The following GKAP1 variants were observed in gnomAD, a reference collection of about 807,000 sequenced individuals.
GKAP1 encodes the protein G kinase-anchoring protein 1.
In GKAP1, 31 loss-of-function variants were observed where a neutral mutation model predicts 56.7. That is an observed-to-expected ratio of 0.55 (90% CI 0.41 to 0.74). The LOEUF (loss-of-function observed/expected upper bound fraction) is 0.74, where lower values mean the gene tolerates loss of function less well. GKAP1 is among the 30% of genes least tolerant of loss of function. The pLI is 0.00. For synonymous variants in GKAP1, 151 were observed against 138.6 expected, an observed-to-expected ratio of 1.09 and a Z score of -0.63; for missense variants, 364 against 402.3, an observed-to-expected ratio of 0.90 and a Z score of 0.82.
rs180822290 is a variant in GKAP1, at chr9:83,781,546, A to G, written c.563-1142T>C. ...CTCTAAAGAATTTCTTGATCAGAAT[A>G]GTGTCCATAAACACAGTAAATGCCA... On this transcript the variant is annotated intron_variant, in intron 6 of 12. Transcript: ENST00000376371. Among the ~76,000 whole-genome samples, 389 of 152,338 alleles carry G rather than the reference A, an allele frequency of 2.6e-3. 4 individuals carry two copies. Among genetic ancestry groups the G allele is most frequent in the African/African-American group, 9.0e-3 (373 of 41,584 alleles).
chr9:83,774,322 T>C (rs1412866484), intron 7 of GKAP1, among the ~76,000 whole-genome samples: 2 of 150,828 alleles, frequency 1.3e-5, no homozygotes, highest in Non-Finnish European at 1.5e-5. Flanking sequence ...CAATTGCAGG[T>C]CAGGCACGGT....
At chr9:83,810,101 C>T (rs919044288) in intron 2 of GKAP1, among the ~76,000 whole-genome samples, 26 of 152,200 alleles carry the variant, frequency 1.7e-4, no homozygotes, top group Admixed American at 5.2e-4. Context: ...CATGAGCCAC[C>T]GCAACTGCCC....
At chr9:83,778,086 T>C (rs1943892703) in intron 7 of GKAP1, among the ~76,000 whole-genome samples, 1 of 152,152 alleles carries the variant, frequency 6.6e-6, no homozygotes, top group South Asian at 2.1e-4. Context: ...GAAATGCTTA[T>C]CCACTGTTGG....
chr9:83,758,085 G>A (rs1011052193), intron 8 of GKAP1, among the ~76,000 whole-genome samples: 6 of 152,306 alleles, frequency 3.9e-5, no homozygotes, highest in South Asian at 4.1e-4. Flanking sequence ...CCTACCTAGC[G>A]TTGGTGCAGT....
Position 83,768,844 on chromosome 9 carries a change from T to C in GKAP1, c.712A>G (p.Asn238Asp). 2 of 1,612,572 alleles carry C rather than the reference T, an allele frequency of 1.2e-6. No individual in the cohort carries two copies. Among genetic ancestry groups the C allele is most frequent in the Non-Finnish European group, 1.7e-6 (2 of 1,179,552 alleles). The change falls in exon 8 of 13, where the codon AAT (asparagine) becomes GAT (aspartate). Residue 238 changes from asparagine (N) to aspartate (D), a missense_variant. By Grantham distance (23) the Asn-to-Asp change is conservative. Transcript: ENST00000376371. ...TGGTTGTGTTCATGAGCTGTACAATTATCTGTTCCATTATATTCTGTAAGC... is the reference window on the plus strand; with the variant it reads ...TGGTTGTGTTCATGAGCTGTACAATCATCTGTTCCATTATATTCTGTAAGC... ...EQLTEYNGTD[N>D]CTAHEHNQEV... is the part of the protein sequence containing the mutation.
At chr9:83,801,422 G>C (rs1944329998) in intron 3 of GKAP1, among the ~76,000 whole-genome samples, 1 of 150,866 alleles carries the variant, frequency 6.6e-6, no homozygotes, top group Non-Finnish European at 1.5e-5. Flanking sequence ...AGGCAGCCCT[G>C]AGAAACTAAT....
chr9:83,755,384 C>T (rs1943456625), intron 8 of GKAP1, among the ~76,000 whole-genome samples: 1 of 152,096 alleles, frequency 6.6e-6, no homozygotes, highest in Non-Finnish European at 1.5e-5. Context: ...TCTGGAAGAA[C>T]ATACACCAAA....
At chr9:83,804,345 G>A (rs1944392201) in intron 3 of GKAP1, among the ~76,000 whole-genome samples, 1 of 141,516 alleles carries the variant, frequency 7.1e-6, no homozygotes, top group Admixed American at 6.8e-5. Flanking sequence ...CGGGAGGGAG[G>A]TGGGGGGGTC....
intron 10 of GKAP1, among the ~76,000 whole-genome samples, chr9:83,743,624 C>T (rs1243934267): frequency 6.6e-6 from 1 of 151,942 alleles, no homozygotes; most frequent in Non-Finnish European, 1.5e-5. Context: ...ATGCAGAGTG[C>T]TTTTTTTGTT....
At chr9:83,753,468 G>A in intron 8 of GKAP1, 109 bp from the exon 9 acceptor site, 1 of 718,514 alleles carries the variant, frequency 1.4e-6, no homozygotes, top group Non-Finnish European at 2.4e-6. Flanking sequence ...TTAATTTTCT[G>A]AGGCCACCTT....
In GKAP1 at chr9:83,814,318, C is replaced by T. The variant is rs185606850; in HGVS notation, c.-44+2678G>A. ...TGAACACACAATTAGTTTACTTGTT[C>T]ATATCTTTAACTATGCTGTTCTCTT... On this transcript the variant is annotated intron_variant, in intron 2 of 12. Transcript: ENST00000376371. Among the ~76,000 whole-genome samples the T allele has an allele frequency of 1.6e-4, 24 of 152,282 alleles. No individual in the cohort carries two copies. In the East Asian group the frequency reaches 4.4e-3, roughly 28 times the overall value.
chr9:83,797,427 T>C (rs1251085909), intron 4 of GKAP1, among the ~76,000 whole-genome samples: 1 of 152,216 alleles, frequency 6.6e-6, no homozygotes, highest in Admixed American at 6.5e-5. Context: ...ATTACTCTAT[T>C]AATAAGATAG....
chr9:83,742,401 T>C, intron 11 of GKAP1, 129 bp downstream of exon 11: 1 of 642,228 alleles, frequency 1.6e-6, no homozygotes, highest in Non-Finnish European at 2.7e-6. Context: ...TCATGGGCTA[T>C]TACATAATAA....
At chr9:83,795,059 G>T (rs1450349599) in intron 4 of GKAP1, among the ~76,000 whole-genome samples, 1 of 151,322 alleles carries the variant, frequency 6.6e-6, no homozygotes. Flanking sequence ...AGGAGGCTGA[G>T]GTAGGAGAAT....
intron 9 of GKAP1, among the ~76,000 whole-genome samples, chr9:83,750,192 A>G (rs1202083480): frequency 2.0e-5 from 3 of 152,226 alleles, no homozygotes; most frequent in African/African-American, 7.2e-5. Flanking sequence ...AATTATTTGC[A>G]TTGCTTAAAA....
chr9:83,771,838 C>T (rs1218795523), intron 7 of GKAP1, among the ~76,000 whole-genome samples: 1 of 152,178 alleles, frequency 6.6e-6, no homozygotes, highest in Non-Finnish European at 1.5e-5. Flanking sequence ...AGCAACTAAT[C>T]AGCCTCTGGA....
intron 8 of GKAP1, among the ~76,000 whole-genome samples, chr9:83,765,267 GAGA>G (rs1252902478): frequency 2.0e-5 from 3 of 152,226 alleles, no homozygotes; most frequent in African/African-American, 4.8e-5. Context: ...GTGCACAGAA[GAGA>G]AGGACTGAGA....
At chr9:83,788,476 T>C in intron 5 of GKAP1, 125 bp downstream of exon 5, 1 of 562,842 alleles carries the variant, frequency 1.8e-6, no homozygotes, top group Non-Finnish European at 3.1e-6. Context: ...GGTAATATTT[T>C]ATTATGGTAA....
intron 8 of GKAP1, among the ~76,000 whole-genome samples, chr9:83,754,823 T>C (rs1943447887): frequency 6.6e-6 from 1 of 152,196 alleles, no homozygotes; most frequent in South Asian, 2.1e-4. Context: ...GATTTGACTG[T>C]GTGAGACTTA....
Sources: allele counts gnomAD v4.1 joint callset (sites outside exome capture counted in the v4.1 genomes callset), GRCh38; gene constraint gnomAD v4.1.1; transcripts MANE v1.5; gene names NCBI Gene and HGNC (gene_info 2026-07-23, HGNC 2026-07-21).